Variants in NEK9 observed in about 807,000 individuals in gnomAD.
NEK9 encodes the protein NIMA related kinase 9.
A neutral mutation model predicts 123.4 loss-of-function variants in NEK9; 75 were observed. That is an observed-to-expected ratio of 0.61 (90% CI 0.50 to 0.74). The LOEUF (loss-of-function observed/expected upper bound fraction) is 0.74. NEK9 is among the 30% of genes least tolerant of loss of function. The pLI is 0.00. For synonymous variants in NEK9, 438 were observed against 458.7 expected (o/e 0.95, Z 0.58); for missense variants, 952 against 1,214.4 (o/e 0.78, Z 3.21).
chr14:75,088,369 G>T, intron 20 of NEK9, 111 bp downstream of exon 20: 1 of 1,025,062 alleles, frequency 9.8e-7, no homozygotes, highest in Non-Finnish European at 1.5e-6. Context: ...AGTATAATGA[G>T]TTGATGCAGG....
intron 8 of NEK9, among the ~76,000 whole-genome samples, chr14:75,111,786 G>A (rs1391616149): frequency 6.6e-6 from 1 of 152,178 alleles, no homozygotes; most frequent in East Asian, 1.9e-4. Context: ...AGCTACCCGA[G>A]AGGCTAAGGC....
chr14:75,099,802 G>C (rs1256226679), intron 16 of NEK9, among the ~76,000 whole-genome samples: 1 of 136,808 alleles, frequency 7.3e-6, no homozygotes, highest in Non-Finnish European at 1.6e-5. Flanking sequence ...AAAAAAAGAA[G>C]AGGAGTGAGG....
chr14:75,101,537 A>G (rs1463003793), intron 15 of NEK9, 120 bp downstream of exon 15: 1 of 607,594 alleles, frequency 1.6e-6, no homozygotes. Context: ...TACATTAATG[A>G]AATAATACTA....
intron 8 of NEK9, among the ~76,000 whole-genome samples, chr14:75,111,897 T>A (rs1377961087): frequency 3.3e-5 from 5 of 151,676 alleles, no homozygotes; most frequent in Admixed American, 6.6e-5. Flanking sequence ...ATAAAGTAAA[T>A]AAAAGTAAAT....
intron 2 of NEK9, 41 bp from the exon 3 acceptor site, chr14:75,121,215 G>T (rs1417755430): frequency 1.3e-6 from 2 of 1,513,130 alleles, no homozygotes; most frequent in Admixed American, 1.8e-5. Flanking sequence ...GCTTAATACA[G>T]ATCAAAGCTT....
At chr14:75,089,759 C>T (rs1409441475) in intron 19 of NEK9, among the ~76,000 whole-genome samples, 1 of 150,042 alleles carries the variant, frequency 6.7e-6, no homozygotes, top group Non-Finnish European at 1.5e-5. Flanking sequence ...AGTGCAGTGG[C>T]GCAATCTCGG....
rs1893952833 is a variant in NEK9, at chr14:75,084,377, C to T, written c.*187G>A. On this transcript the variant is annotated 3_prime_UTR_variant, in exon 22 of 22. Transcript: ENST00000238616. ...CTTCCATTCTCCAAAACAATAAAATCACTCCTAGATCCTATCTAAAAGGCA... is the reference window on the plus strand; with the variant it reads ...CTTCCATTCTCCAAAACAATAAAATTACTCCTAGATCCTATCTAAAAGGCA... 5 of 669,472 alleles carry T rather than the reference C, an allele frequency of 7.5e-6. No homozygotes were observed. Among genetic ancestry groups the T allele is most frequent in the Middle Eastern group, 4.4e-4 (1 of 2,268 alleles). 41.5% of individuals were successfully genotyped at this position (669,472 alleles called of 1,614,324 possible).
At position 75,107,327 on chromosome 14, in the gene NEK9, T is replaced by G; in HGVS notation, c.1327+16A>C. 1 of 1,609,098 alleles carries G rather than the reference T, an allele frequency of 6.2e-7. No homozygotes were observed. The highest frequency in any genetic ancestry group is 8.5e-7 in the Non-Finnish European group (1 of 1,178,150). ...CACATTAAATGCACTTAAGACACTTTCTGCTGATGGCTTACCAGTCACACA... is the reference window on the plus strand; with the variant it reads ...CACATTAAATGCACTTAAGACACTTGCTGCTGATGGCTTACCAGTCACACA... On this transcript the variant is annotated intron_variant, in intron 11 of 21. Coordinates refer to ENST00000238616, the MANE Select transcript of NEK9 (RefSeq NM_033116.6).
At chr14:75,090,461 C>T (rs551634969) in intron 19 of NEK9, among the ~76,000 whole-genome samples, 2 of 152,180 alleles carry the variant, frequency 1.3e-5, no homozygotes, top group Non-Finnish European at 2.9e-5. Flanking sequence ...TTGTGTGTTA[C>T]ATATTTCCTA....
chr14:75,114,579 A>G (rs77609927), intron 6 of NEK9, among the ~76,000 whole-genome samples: 1,974 of 152,294 alleles, frequency 0.013, 48 homozygotes, highest in African/African-American at 0.046. Flanking sequence ...TGACCTTTCA[A>G]CTGAATCCCA....
intron 8 of NEK9, among the ~76,000 whole-genome samples, chr14:75,110,685 T>C (rs1894932369): frequency 6.6e-6 from 1 of 152,048 alleles, no homozygotes; most frequent in Middle Eastern, 3.4e-3. Context: ...GACACCTTCA[T>C]CTAGTCTGCC....
At chr14:75,102,993 T>C (rs1406012698) in intron 14 of NEK9, among the ~76,000 whole-genome samples, 1 of 145,728 alleles carries the variant, frequency 6.9e-6, no homozygotes, top group Non-Finnish European at 1.5e-5. Context: ...AATTGAACAA[T>C]GAGAACACCT....
At chr14:75,125,972 T>C (rs997241896) in intron 1 of NEK9, among the ~76,000 whole-genome samples, 4 of 152,252 alleles carry the variant, frequency 2.6e-5, no homozygotes, top group Admixed American at 6.5e-5. Context: ...CCGTGATCCA[T>C]GGATCTCTCC....
chr14:75,093,003 T>C (rs1031192286), intron 18 of NEK9, among the ~76,000 whole-genome samples: 1 of 152,234 alleles, frequency 6.6e-6, no homozygotes, highest in Non-Finnish European at 1.5e-5. Context: ...TTTAAGATTA[T>C]GCTGCATTTT....
chr14:75,113,392 C>T lies in NEK9; in HGVS notation c.885G>A (p.Gln295=). The part of the protein sequence containing the change: ...VHSCLDQDPE[Q]RPTADELLDR... ...CTAGAAGTTCATCTGCAGTAGGTCT[C>T]TGCTCAGGATCCTAAAAAGTAAAAA... Residue 295 remains glutamine (Q), a synonymous_variant, in exon 8 of 22, where the codon CAG becomes CAA. Transcript: ENST00000238616. 6.2e-7 allele frequency: 1 copy of T among 1,613,298 alleles called. No homozygotes were observed.
In NEK9 at chr14:75,118,812, G is replaced by C. The variant is rs1471666419; in HGVS notation, c.630+18C>G. On this transcript the variant is annotated intron_variant, in intron 5 of 21. Transcript: ENST00000238616. ...TGCTAGAAAATAAAATAAAAATTAA[G>C]ACAAGGGCAACACATACCGTCTCAG... 7.4e-7 allele frequency: 1 copy of C among 1,355,178 alleles called. No individual in the cohort carries two copies. The highest frequency in any genetic ancestry group is 1.1e-6 in the Non-Finnish European group (1 of 951,294). 83.9% of individuals were successfully genotyped at this position (1,355,178 alleles called of 1,614,324 possible). A position where few individuals can be genotyped will look rare whatever the true frequency, so the allele number is the denominator to read the frequency against.
intron 7 of NEK9, 59 bp downstream of exon 7, chr14:75,114,144 A>C: frequency 8.0e-7 from 1 of 1,251,064 alleles, no homozygotes; most frequent in Non-Finnish European, 1.2e-6. Flanking sequence ...GCCATACACC[A>C]AACACTGAGG....
intron 13 of NEK9, among the ~76,000 whole-genome samples, chr14:75,104,322 C>T (rs750882780): frequency 3.3e-5 from 5 of 151,376 alleles, no homozygotes; most frequent in East Asian, 1.9e-4. Context: ...CATGCCACCA[C>T]GCCCAGCTAA....
Position 75,091,313 on chromosome 14 carries a change from T to C in NEK9, c.2399A>G (p.Asn800Ser), listed in dbSNP as rs1894208370. 7 of 1,613,450 alleles carry C rather than the reference T, an allele frequency of 4.3e-6. No individual in the cohort carries two copies. The Admixed American group carries it at 5.0e-5, about 12-fold the overall frequency. The stretch of plus-strand genomic sequence containing the variant: ...ACAGGAGCTGCTGGCCCCATTACTG[T>C]TCCCCATGGCCTCTGTGGGACTGAT... ...GLISPTEAMG[N>S]SNGASSSCPG... The change falls in exon 19 of 22, where the codon AAC becomes AGC. Residue 800 changes from asparagine (N) to serine (S), a missense_variant. This residue lies in a region of NEK9 where 698 missense variants were observed against 875.6 expected (regional missense o/e 0.80). Coordinates refer to ENST00000238616, the MANE Select transcript of NEK9 (RefSeq NM_033116.6).
Sources: allele counts gnomAD v4.1 joint callset (sites outside exome capture counted in the v4.1 genomes callset), GRCh38; gene constraint gnomAD v4.1.1; regional missense constraint gnomAD v4.1.1; transcripts MANE v1.5; gene names NCBI Gene and HGNC (gene_info 2026-07-23, HGNC 2026-07-21).